The following TAFA2 variants were observed in gnomAD, a reference collection of about 807,000 sequenced individuals.
The protein encoded by TAFA2 is chemokine-like protein TAFA-2.
Under a neutral mutation model 18.8 loss-of-function variants are expected in TAFA2, and 7 were observed. The ratio of observed to expected loss-of-function variants is 0.37; its 90% CI spans 0.21 to 0.70. The LOEUF (loss-of-function observed/expected upper bound fraction) is 0.70. TAFA2 is among the 30% of genes least tolerant of loss of function. The probability of loss-of-function intolerance (pLI) is 0.53; values close to 1 mark genes in which losing one functional copy is unlikely to be tolerated. For missense variants in TAFA2, 122 were observed against 158.1 expected (o/e 0.77, Z 1.23); for synonymous variants, 60 against 54.2 (o/e 1.11, Z -0.47).
chr12:61,963,193 C>T (rs148136066), intron 1 of TAFA2, among the ~76,000 whole-genome samples: 66 of 151,980 alleles, frequency 4.3e-4, no homozygotes, highest in African/African-American at 1.2e-3. Flanking sequence ...CATACATGTA[C>T]GTGTCTTTAT....
At position 61,970,476 on chromosome 12, in the gene TAFA2, G is replaced by A. The variant is rs74096146; in HGVS notation, c.-1-103050C>T. On this transcript the variant is annotated intron_variant, in intron 1 of 4. Transcript: ENST00000416284. Reference sequence around the variant, plus strand: ...GATAAGCAAGACTTAAATAAACAAAGCAGGGATAACACATCTGGGACACAA... The same window carrying A: ...GATAAGCAAGACTTAAATAAACAAAACAGGGATAACACATCTGGGACACAA... 8.1e-3 allele frequency among the ~76,000 whole-genome samples: 1,222 copies of A among 151,592 alleles called. 16 individuals are homozygous for A. Among genetic ancestry groups the A allele is most frequent in the African/African-American group, 0.028 (1,180 of 41,444 alleles).
chr12:62,170,090 T>A (rs2062466985), intron 1 of TAFA2, among the ~76,000 whole-genome samples: 1 of 152,156 alleles, frequency 6.6e-6, no homozygotes, highest in Non-Finnish European at 1.5e-5. Flanking sequence ...CTCTTGTTTA[T>A]CTTGTTGTGC....
chr12:61,938,230 T>TAAAAAAAAAA (rs1157161976), intron 1 of TAFA2, among the ~76,000 whole-genome samples: 18 of 98,450 alleles, frequency 1.8e-4, no homozygotes, highest in African/African-American at 5.7e-4. Context: ...ATAGATATGG[T>TAAAAAAAAAA]AAAAAAAAAA....
intron 1 of TAFA2, among the ~76,000 whole-genome samples, chr12:62,205,296 C>A (rs536355121): frequency 3.3e-5 from 5 of 152,206 alleles, no homozygotes; most frequent in Admixed American, 6.5e-5. Context: ...GGGGGTCTCA[C>A]CCAGTCAAGA....
chr12:61,755,257 T>C (rs1869210632), intron 2 of TAFA2, among the ~76,000 whole-genome samples: 1 of 152,122 alleles, frequency 6.6e-6, no homozygotes, highest in African/African-American at 2.4e-5. Context: ...GTGACTAGAT[T>C]AGAATAAGCT....
At chr12:61,799,678 C>T (rs1471639390) in intron 2 of TAFA2, among the ~76,000 whole-genome samples, 1 of 151,976 alleles carries the variant, frequency 6.6e-6, no homozygotes. Flanking sequence ...AAAAATTAGC[C>T]GGGCGTGGTG....
intron 2 of TAFA2, among the ~76,000 whole-genome samples, chr12:61,829,571 A>G (rs1317679072): frequency 2.0e-5 from 3 of 151,718 alleles, no homozygotes; most frequent in East Asian, 3.9e-4. Flanking sequence ...TTAATTTCAC[A>G]TCAGAAAATG....
intron 1 of TAFA2, among the ~76,000 whole-genome samples, chr12:62,059,605 T>G (rs1036608110): frequency 2.6e-5 from 4 of 152,146 alleles, no homozygotes; most frequent in Admixed American, 2.6e-4. Context: ...AGGTATTATT[T>G]GAGCAGAAAT....
chr12:61,865,837 A>G (rs142390129), intron 2 of TAFA2, among the ~76,000 whole-genome samples: 300 of 152,280 alleles, frequency 2.0e-3, no homozygotes, highest in African/African-American at 6.4e-3. Context: ...CACTCCTCCA[A>G]TTCTTCTTTC....
intron 2 of TAFA2, among the ~76,000 whole-genome samples, chr12:61,866,789 T>G (rs905434513): frequency 6.6e-6 from 1 of 152,156 alleles, no homozygotes; most frequent in Non-Finnish European, 1.5e-5. Flanking sequence ...AAAATTTACA[T>G]ATAGACATAT....
At chr12:61,919,820 A>G (rs1341842179) in intron 1 of TAFA2, among the ~76,000 whole-genome samples, 2 of 152,122 alleles carry the variant, frequency 1.3e-5, no homozygotes, top group Non-Finnish European at 2.9e-5. Flanking sequence ...TAAGAGTAAG[A>G]AGGAAGTAGA....
At position 62,233,062 on chromosome 12, in the gene TAFA2, A is replaced by ATC. The variant is rs1394900613; in HGVS notation, c.-130+25699_-130+25700dup. 1.7e-3 allele frequency among the ~76,000 whole-genome samples: 162 copies of ATC among 94,254 alleles called. 2 individuals carry two copies. The highest frequency in any genetic ancestry group is 2.2e-3 in the African/African-American group (49 of 21,948). 61.8% of individuals were successfully genotyped at this position (94,254 alleles called of 152,430 possible). On this transcript the variant is annotated intron_variant, in intron 1 of 5. Coordinates refer to the TAFA2 transcript ENST00000551619. Reference sequence around the variant, plus strand: ...TATTTGTCCTCCCAGCAATTTCTGCATCTCTTTTTTTTTTTTTTTTTTTTT... The same window carrying ATC: ...TATTTGTCCTCCCAGCAATTTCTGCATCTCTCTTTTTTTTTTTTTTTTTTTTT...
intron 1 of TAFA2, among the ~76,000 whole-genome samples, chr12:62,034,842 T>C (rs1310439170): frequency 1.3e-5 from 2 of 152,172 alleles, no homozygotes; most frequent in Admixed American, 6.5e-5. Context: ...TCTTTCTTAA[T>C]ATAGAAGCAA....
At position 61,811,938 on chromosome 12, in the gene TAFA2, C is replaced by T. The variant is rs1462570239; in HGVS notation, c.106+55382G>A. Among the ~76,000 whole-genome samples, 3 of 151,340 alleles carry T rather than the reference C, an allele frequency of 2.0e-5. No individual in the cohort carries two copies. The East Asian group carries it at 5.8e-4, about 29-fold the overall frequency. On this transcript the variant is annotated intron_variant, in intron 2 of 4. Coordinates refer to ENST00000416284, the MANE Select transcript of TAFA2 (RefSeq NM_178539.5). ...AGAGTTATACACTAGGTAGATAAAT[C>T]TAATGATCAAGTATAGATTGAACTA... is the stretch of plus-strand genomic sequence containing the variant.
At chr12:61,881,982 GCTT>G (rs982722082) in intron 1 of TAFA2, among the ~76,000 whole-genome samples, 2 of 151,934 alleles carry the variant, frequency 1.3e-5, no homozygotes, top group African/African-American at 2.4e-5. Context: ...TCTTCTCTGT[GCTT>G]CTTATTTACC....
intron 1 of TAFA2, among the ~76,000 whole-genome samples, chr12:62,078,723 G>C (rs2136816211): frequency 6.6e-6 from 1 of 152,276 alleles, no homozygotes; most frequent in South Asian, 2.1e-4. Flanking sequence ...TTTCCCTTAT[G>C]CTCCTCCCTT....
intron 1 of TAFA2, among the ~76,000 whole-genome samples, chr12:62,133,654 A>G (rs1870778472): frequency 6.6e-6 from 1 of 152,002 alleles, no homozygotes; most frequent in South Asian, 2.1e-4. Context: ...TTGCCCTCCA[A>G]GGATACATGA....
chr12:62,000,439 C>T (rs182095696), intron 1 of TAFA2, among the ~76,000 whole-genome samples: 1 of 146,258 alleles, frequency 6.8e-6, no homozygotes, highest in East Asian at 2.3e-4. Context: ...TCATGCATTA[C>T]AGGAGGGAGT....
intron 1 of TAFA2, among the ~76,000 whole-genome samples, chr12:61,921,323 G>A (rs1052816799): frequency 2.0e-5 from 3 of 152,208 alleles, no homozygotes; most frequent in African/African-American, 7.2e-5. Context: ...CAGAGTGGTA[G>A]CAGTGGAAGT....
Sources: allele counts gnomAD v4.1 joint callset (sites outside exome capture counted in the v4.1 genomes callset), GRCh38; gene constraint gnomAD v4.1.1; transcripts MANE v1.5; gene names NCBI Gene and HGNC (gene_info 2026-07-23, HGNC 2026-07-21).